The following NBEA variants were observed in gnomAD, a reference collection of about 807,000 sequenced individuals.
NBEA encodes the protein neurobeachin.
NBEA carries 44 observed loss-of-function variants against 343.4 expected under a neutral mutation model. The observed-to-expected ratio is 0.13, with a 90% confidence interval of 0.10 to 0.16. NBEA has a LOEUF of 0.16. Ranked by LOEUF, NBEA falls within the 10% of genes least tolerant of loss-of-function variation. The pLI is 1.00. For synonymous variants in NBEA, 1,175 were observed against 1,238.7 expected, an observed-to-expected ratio of 0.95 and a Z score of 1.08; for missense variants, 2,555 against 3,631.3, an observed-to-expected ratio of 0.70 and a Z score of 7.62.
chr13:35,305,518 C>T lies in NBEA; in HGVS notation c.5839-4010C>T, dbSNP rs142493563. On this transcript the variant is annotated intron_variant, in intron 35 of 58. Coordinates refer to ENST00000379939, the MANE Select transcript of NBEA (RefSeq NM_001385012.1). ...GGCTTCATCATAGGACTTTCTCTGG[C>T]CAGTGAATATGGGCAAAGGGACATG... is the stretch of plus-strand genomic sequence containing the variant. 3.0e-4 allele frequency among the ~76,000 whole-genome samples: 45 copies of T among 152,230 alleles called. No individual in the cohort carries two copies. The East Asian group carries it at 8.3e-3, about 28-fold the overall frequency.
intron 41 of NBEA, chr13:35,476,021 C>G (rs765617272): frequency 1.2e-6 from 2 of 1,614,218 alleles, no homozygotes; most frequent in Non-Finnish European, 1.7e-6. Flanking sequence ...TTCAGTACGT[C>G]GGAAACTACT....
chr13:35,320,022 A>G (rs1006514921), intron 36 of NBEA, among the ~76,000 whole-genome samples: 2 of 152,064 alleles, frequency 1.3e-5, no homozygotes, highest in African/African-American at 4.8e-5. Flanking sequence ...AGTACAGCAC[A>G]CTGATGGGTC....
intron 1 of NBEA, among the ~76,000 whole-genome samples, chr13:35,038,439 G>A (rs956462200): frequency 1.9e-4 from 29 of 152,002 alleles, no homozygotes; most frequent in African/African-American, 7.0e-4. Context: ...AAGGGGTTTT[G>A]CCCCATAGCC....
intron 44 of NBEA, among the ~76,000 whole-genome samples, chr13:35,557,613 C>A (rs920213183): frequency 6.6e-6 from 1 of 151,984 alleles, no homozygotes; most frequent in African/African-American, 2.4e-5. Context: ...TGGGTACTTC[C>A]TTTGCAATTA....
chr13:35,386,389 A>G (rs1407150377), intron 38 of NBEA, among the ~76,000 whole-genome samples: 1 of 152,180 alleles, frequency 6.6e-6, no homozygotes, highest in African/African-American at 2.4e-5. Flanking sequence ...TATTTCTACT[A>G]CATAGTCTGA....
chr13:35,411,387 A>AT (rs1418585453), intron 38 of NBEA, among the ~76,000 whole-genome samples: 2 of 151,602 alleles, frequency 1.3e-5, no homozygotes, highest in African/African-American at 2.4e-5. Context: ...AGCAAGATTA[A>AT]TTTTTTTGAT....
chr13:35,237,920 G>A (rs1025726858), intron 34 of NBEA, among the ~76,000 whole-genome samples: 2 of 151,988 alleles, frequency 1.3e-5, no homozygotes, highest in African/African-American at 4.8e-5. Flanking sequence ...TAGTTAGCTT[G>A]TGATTGTATC....
intron 41 of NBEA, chr13:35,475,967 CGTT>C: frequency 1.2e-6 from 2 of 1,614,172 alleles, no homozygotes; most frequent in Non-Finnish European, 1.7e-6. Flanking sequence ...TTGTCCATCT[CGTT>C]GAGAGAGCTG....
intron 48 of NBEA, among the ~76,000 whole-genome samples, chr13:35,611,837 T>C: frequency 6.6e-6 from 1 of 152,244 alleles, no homozygotes; most frequent in East Asian, 1.9e-4. Flanking sequence ...TTGTTTCTAC[T>C]TTTTGGCAAT....
intron 49 of NBEA, among the ~76,000 whole-genome samples, chr13:35,631,271 A>G (rs1252488717): frequency 6.6e-6 from 1 of 152,152 alleles, no homozygotes. Context: ...TGAGTAGACC[A>G]TGTGGGAGGC....
At chr13:35,207,465 T>G (rs1456480002) in intron 31 of NBEA, among the ~76,000 whole-genome samples, 3 of 152,270 alleles carry the variant, frequency 2.0e-5, no homozygotes, top group African/African-American at 7.2e-5. Context: ...CTGTGATGGT[T>G]GAGTAAGGTT....
intron 48 of NBEA, among the ~76,000 whole-genome samples, chr13:35,609,467 G>A (rs77366268): frequency 0.018 from 2,689 of 152,272 alleles, 74 homozygotes; most frequent in African/African-American, 0.059. Context: ...GGGAAAGGAC[G>A]TATGTTTTTT....
At chr13:34,943,171 A>G in intron 1 of NBEA, 57 bp downstream of exon 1, 1 of 1,592,826 alleles carries the variant, frequency 6.3e-7, no homozygotes, top group South Asian at 1.1e-5. Flanking sequence ...CACCGTCCCC[A>G]GCGCCTTTCC....
intron 24 of NBEA, among the ~76,000 whole-genome samples, chr13:35,167,708 G>A (rs1187821713): frequency 6.6e-6 from 1 of 151,716 alleles, no homozygotes; most frequent in Non-Finnish European, 1.5e-5. Context: ...TGTTGTTGTT[G>A]ATTTTTTTAG....
At chr13:34,996,976 A>G (rs1471973747) in intron 1 of NBEA, among the ~76,000 whole-genome samples, 2 of 152,182 alleles carry the variant, frequency 1.3e-5, no homozygotes, top group African/African-American at 4.8e-5. Context: ...GAGGTAGGCA[A>G]GATCACTGGA....
At chr13:34,972,348 G>A (rs1289944784) in intron 1 of NBEA, among the ~76,000 whole-genome samples, 1 of 151,926 alleles carries the variant, frequency 6.6e-6, no homozygotes. Flanking sequence ...TCTGATTTTG[G>A]TATTTCCTGT....
chr13:35,573,383 G>T (rs2080541044), intron 45 of NBEA, among the ~76,000 whole-genome samples: 1 of 152,142 alleles, frequency 6.6e-6, no homozygotes, highest in South Asian at 2.1e-4. Context: ...GACATATTAA[G>T]CTGTTCTCCT....
intron 17 of NBEA, among the ~76,000 whole-genome samples, chr13:35,134,556 A>G (rs925425216): frequency 2.6e-5 from 4 of 152,020 alleles, no homozygotes; most frequent in African/African-American, 9.7e-5. Context: ...AAGAAAATAA[A>G]AGAAAAATTA....
intron 36 of NBEA, among the ~76,000 whole-genome samples, chr13:35,317,081 G>C (rs1361370050): frequency 6.6e-6 from 1 of 152,096 alleles, no homozygotes; most frequent in African/African-American, 2.4e-5. Flanking sequence ...TGTGATGATA[G>C]TTTCTTTTGC....
Sources: gnomAD v4.1 joint callset for allele counts (sites outside exome capture counted in the v4.1 genomes callset) on GRCh38, gnomAD v4.1.1 for gene constraint, MANE v1.5 for transcripts, NCBI Gene and HGNC (gene_info 2026-07-23, HGNC 2026-07-21) for gene names.